Variants in CDH2 observed in about 807,000 individuals in gnomAD.
The protein encoded by CDH2 is cadherin 2, also known as cadherin-2.
A neutral mutation model predicts 92.0 loss-of-function variants in CDH2; 17 were observed. The ratio of observed to expected loss-of-function variants is 0.18; its 90% CI spans 0.13 to 0.28. CDH2 has a LOEUF of 0.28. Among genes scored for constraint, CDH2 ranks in the 10% least tolerant of loss-of-function variants. CDH2 has a pLI of 1.00. For missense variants in CDH2, 862 were observed against 1,133.1 expected (o/e 0.76, Z 3.44); for synonymous variants, 419 against 415.9 (o/e 1.01, Z -0.09).
intron 1 of CDH2, among the ~76,000 whole-genome samples, chr18:28,152,902 C>T (rs950506800): frequency 2.6e-5 from 4 of 151,914 alleles, no homozygotes; most frequent in African/African-American, 7.3e-5. Flanking sequence ...TAGTTAAGAT[C>T]GATAGGGCCT....
At chr18:28,107,670 A>G (rs886465830) in intron 2 of CDH2, among the ~76,000 whole-genome samples, 1 of 152,186 alleles carries the variant, frequency 6.6e-6, no homozygotes, top group African/African-American at 2.4e-5. Context: ...GCAGTCAATA[A>G]AACACAGAGC....
intron 15 of CDH2, among the ~76,000 whole-genome samples, chr18:27,961,930 C>T (rs543784764): frequency 1.6e-4 from 23 of 144,682 alleles, no homozygotes; most frequent in Admixed American, 6.8e-4. Flanking sequence ...TGGTGAGACC[C>T]TGTCTCTACA....
chr18:28,035,531 G>A (rs966697995), intron 2 of CDH2, among the ~76,000 whole-genome samples: 1 of 151,936 alleles, frequency 6.6e-6, no homozygotes, highest in African/African-American at 2.4e-5. Flanking sequence ...ATTTAAGGAT[G>A]ACTCATATTC....
intron 2 of CDH2, among the ~76,000 whole-genome samples, chr18:28,111,200 A>G (rs2015406884): frequency 6.6e-6 from 1 of 152,188 alleles, no homozygotes; most frequent in Non-Finnish European, 1.5e-5. Context: ...GAGGACTTCT[A>G]TTATCAAACC....
intron 2 of CDH2, among the ~76,000 whole-genome samples, chr18:28,065,423 C>A (rs989082397): frequency 6.6e-6 from 1 of 152,148 alleles, no homozygotes; most frequent in African/African-American, 2.4e-5. Context: ...ACTTGGTTCA[C>A]TACATGTTAA....
intron 2 of CDH2, among the ~76,000 whole-genome samples, chr18:28,027,812 T>C (rs937891966): frequency 2.0e-4 from 30 of 151,294 alleles, no homozygotes; most frequent in African/African-American, 6.3e-4. Flanking sequence ...GCTAAAAATA[T>C]ATAAAATTAT....
At chr18:28,039,965 C>A (rs1427153121) in intron 2 of CDH2, among the ~76,000 whole-genome samples, 2 of 152,190 alleles carry the variant, frequency 1.3e-5, no homozygotes, top group Non-Finnish European at 2.9e-5. Context: ...TTGGCAACAA[C>A]TGACCGGCAA....
chr18:27,994,225 G>C (rs2012512752), intron 7 of CDH2, among the ~76,000 whole-genome samples: 1 of 152,148 alleles, frequency 6.6e-6, no homozygotes, highest in Non-Finnish European at 1.5e-5. Context: ...AAAACTTGAA[G>C]GGTTTCCGTT....
chr18:28,001,255 AT>A (rs1214633617), intron 7 of CDH2, among the ~76,000 whole-genome samples: 1 of 152,194 alleles, frequency 6.6e-6, no homozygotes, highest in African/African-American at 2.4e-5. Flanking sequence ...ATACAGTCTG[AT>A]TTTTAAACAT....
intron 2 of CDH2, among the ~76,000 whole-genome samples, chr18:28,043,465 T>TATATATATATATATATATATATATAA (rs2013993446): frequency 2.1e-4 from 11 of 53,014 alleles, no homozygotes; most frequent in East Asian, 1.3e-3. Flanking sequence ...TAAATAAATA[T>TATATATATATATATATATATATATAA]ATATATATAT....
chr18:28,043,471 T>TAA (rs1469530235), intron 2 of CDH2, among the ~76,000 whole-genome samples: 1 of 66,976 alleles, frequency 1.5e-5, no homozygotes, highest in Non-Finnish European at 2.9e-5. Flanking sequence ...AATATATATA[T>TAA]ATATATATAT....
chr18:27,992,542 G>A, intron 9 of CDH2, 113 bp downstream of exon 9: 1 of 806,142 alleles, frequency 1.2e-6, no homozygotes, highest in Non-Finnish European at 2.0e-6. Context: ...CACATCTGGA[G>A]ATGTCTGAAA....
intron 1 of CDH2, among the ~76,000 whole-genome samples, chr18:28,174,825 G>A (rs1263845141): frequency 1.3e-5 from 2 of 152,134 alleles, no homozygotes; most frequent in African/African-American, 4.8e-5. Flanking sequence ...ACTTTTAGAT[G>A]AAAAAGTTTG....
intron 2 of CDH2, among the ~76,000 whole-genome samples, chr18:28,127,132 T>G (rs2015690480): frequency 6.6e-6 from 1 of 152,144 alleles, no homozygotes; most frequent in Non-Finnish European, 1.5e-5. Context: ...GAAGACAGCT[T>G]GGAGAAAAAC....
At chr18:28,150,284 G>T (rs1228943749) in intron 1 of CDH2, among the ~76,000 whole-genome samples, 1 of 152,226 alleles carries the variant, frequency 6.6e-6, no homozygotes, top group African/African-American at 2.4e-5. Context: ...GCAGACGGGG[G>T]TCACGTTTCA....
At chr18:27,960,780 AAG>A (rs945139052) in intron 15 of CDH2, among the ~76,000 whole-genome samples, 1 of 152,198 alleles carries the variant, frequency 6.6e-6, no homozygotes, top group Non-Finnish European at 1.5e-5. Flanking sequence ...TCAAATTAGG[AAG>A]AGATTGTATT....
At chr18:27,962,927 G>A (rs2011445780) in intron 15 of CDH2, among the ~76,000 whole-genome samples, 2 of 152,154 alleles carry the variant, frequency 1.3e-5, no homozygotes. Flanking sequence ...TCATTGGGCA[G>A]GCACTGAATT....
At chr18:27,966,748 T>G (rs1019548827) in intron 14 of CDH2, among the ~76,000 whole-genome samples, 4 of 152,180 alleles carry the variant, frequency 2.6e-5, no homozygotes, top group African/African-American at 9.7e-5. Context: ...TAATTTACAG[T>G]TCTTTATCTT....
At chr18:28,077,356 C>T (rs1490781756) in intron 2 of CDH2, among the ~76,000 whole-genome samples, 4 of 152,052 alleles carry the variant, frequency 2.6e-5, no homozygotes, top group African/African-American at 9.7e-5. Context: ...TGAAAATTTA[C>T]AAAGGAAGAT....
Sources: allele counts gnomAD v4.1 joint callset (sites outside exome capture counted in the v4.1 genomes callset), GRCh38; gene constraint gnomAD v4.1.1; transcripts MANE v1.5; gene names NCBI Gene and HGNC (gene_info 2026-07-23, HGNC 2026-07-21).